PHF24: variants seen among roughly 807,000 people sequenced by gnomAD.
The protein encoded by PHF24 is PHD finger protein 24.
A neutral mutation model predicts 42.6 loss-of-function variants in PHF24; 25 were observed. That is an observed-to-expected ratio of 0.59 (90% CI 0.43 to 0.82). The LOEUF is 0.82. PHF24 is among the 40% of genes least tolerant of loss of function. The pLI is 0.00. For missense variants in PHF24, 470 were observed against 538.1 expected (o/e 0.87, Z 1.25); for synonymous variants, 185 against 204.8 (o/e 0.90, Z 0.83).
At chr9:34,833,194 C>T in the PHF24 span, 2 of 1,533,334 alleles carry the variant, frequency 1.3e-6, no homozygotes, top group Non-Finnish European at 1.8e-6. Flanking sequence ...GGGCTGGGTC[C>T]TTGCTCTTGC....
chr9:34,688,624 A>C, the PHF24 span, among the ~76,000 whole-genome samples: 1 of 151,954 alleles, frequency 6.6e-6, no homozygotes, highest in South Asian at 2.1e-4. Context: ...TCTGACTCCC[A>C]GGTCTGTCTG....
chr9:34,711,787 C>G, the PHF24 span, among the ~76,000 whole-genome samples: 1 of 152,160 alleles, frequency 6.6e-6, no homozygotes, highest in Non-Finnish European at 1.5e-5. Context: ...AAATGATCCG[C>G]TCACCTTGGC....
the PHF24 span, among the ~76,000 whole-genome samples, chr9:34,735,684 A>G: frequency 4.0e-5 from 6 of 151,776 alleles, no homozygotes; most frequent in Non-Finnish European, 7.4e-5. Flanking sequence ...CTGTAATCCC[A>G]GCTACTCAGG....
the PHF24 span, among the ~76,000 whole-genome samples, chr9:34,721,057 C>T: frequency 1.3e-5 from 2 of 152,182 alleles, no homozygotes; most frequent in Non-Finnish European, 2.9e-5. Flanking sequence ...AGAATCCTTT[C>T]TTCTAATCCA....
the PHF24 span, among the ~76,000 whole-genome samples, chr9:34,883,980 G>A: frequency 6.6e-6 from 1 of 152,214 alleles, no homozygotes; most frequent in South Asian, 2.1e-4. Flanking sequence ...GTCCATCAGT[G>A]ATAGACTGGA....
At chr9:34,803,975 G>C in the PHF24 span, among the ~76,000 whole-genome samples, 2 of 152,008 alleles carry the variant, frequency 1.3e-5, no homozygotes, top group African/African-American at 2.4e-5. Context: ...CTTTTCACTG[G>C]GGCTGCTAAA....
the PHF24 span, among the ~76,000 whole-genome samples, chr9:34,897,818 T>A: frequency 6.6e-6 from 1 of 152,174 alleles, no homozygotes; most frequent in Admixed American, 6.6e-5. Flanking sequence ...TTTTTATCCC[T>A]CACCTCCTCC....
At chr9:34,667,770 T>C in the PHF24 span, among the ~76,000 whole-genome samples, 1 of 152,180 alleles carries the variant, frequency 6.6e-6, no homozygotes, top group African/African-American at 2.4e-5. Context: ...AGAGGCTGCC[T>C]TTCAGTGTGG....
chr9:34,738,113 C>T, the PHF24 span, among the ~76,000 whole-genome samples: 4 of 152,136 alleles, frequency 2.6e-5, no homozygotes, highest in African/African-American at 9.7e-5. Context: ...TCAACCCAGG[C>T]ATCAGATATG....
the PHF24 span, among the ~76,000 whole-genome samples, chr9:34,854,667 G>C: frequency 6.6e-6 from 1 of 152,074 alleles, no homozygotes; most frequent in African/African-American, 2.4e-5. Flanking sequence ...CAGTTATTTT[G>C]CATTTGCTGA....
the PHF24 span, chr9:34,689,545 G>T: frequency 5.1e-6 from 2 of 394,236 alleles, no homozygotes; most frequent in Non-Finnish European, 4.5e-6. This position sits in a 1 kb window ranked among gnomAD's most constrained non-coding sequence, Gnocchi z 4.1. Flanking sequence ...AAAGAACAAA[G>T]AAATCTGTAA....
the PHF24 span, among the ~76,000 whole-genome samples, chr9:34,914,976 G>A: frequency 2.2e-5 from 3 of 138,374 alleles, no homozygotes; most frequent in Admixed American, 2.2e-4. Context: ...TTTTTTGGTA[G>A]AGACAGGTCT....
chr9:34,695,154 C>A, the PHF24 span, among the ~76,000 whole-genome samples: 2 of 152,264 alleles, frequency 1.3e-5, no homozygotes, highest in East Asian at 3.9e-4. Context: ...CCCACCCACT[C>A]CCCACCTCTG....
the PHF24 span, among the ~76,000 whole-genome samples, chr9:34,789,995 C>A: frequency 1.3e-5 from 2 of 152,072 alleles, no homozygotes; most frequent in South Asian, 2.1e-4. Context: ...TACAGGCATG[C>A]GCCACCATGC....
At chr9:34,743,070 G>A in the PHF24 span, among the ~76,000 whole-genome samples, 4 of 152,270 alleles carry the variant, frequency 2.6e-5, no homozygotes, top group South Asian at 2.1e-4. Context: ...AAAGCAGCCC[G>A]TGATAAATAG....
the PHF24 span, among the ~76,000 whole-genome samples, chr9:34,671,868 T>A: frequency 6.6e-6 from 1 of 152,194 alleles, no homozygotes; most frequent in East Asian, 1.9e-4. Context: ...TCTATATGTC[T>A]ACTCATCTTT....
At chr9:34,849,545 T>C in the PHF24 span, among the ~76,000 whole-genome samples, 9 of 152,176 alleles carry the variant, frequency 5.9e-5, no homozygotes, top group East Asian at 1.9e-4. Flanking sequence ...TGGGTCTTGA[T>C]TCTTTATCCA....
the PHF24 span, among the ~76,000 whole-genome samples, chr9:34,791,442 TATTG>T: frequency 6.6e-6 from 1 of 152,172 alleles, no homozygotes; most frequent in African/African-American, 2.4e-5. Context: ...CAAATGGAAA[TATTG>T]ATTAAGTAGT....
the PHF24 span, among the ~76,000 whole-genome samples, chr9:34,872,479 A>G: frequency 1.3e-5 from 2 of 150,930 alleles, no homozygotes; most frequent in Non-Finnish European, 2.9e-5. Flanking sequence ...TTCTTGCGAT[A>G]GTTTACTGAG....
Sources: allele counts gnomAD v4.1 joint callset (sites outside exome capture counted in the v4.1 genomes callset), GRCh38; gene constraint gnomAD v4.1.1; non-coding constraint Gnocchi (gnomAD v3.1); transcripts MANE v1.5; gene names NCBI Gene and HGNC (gene_info 2026-07-23, HGNC 2026-07-21).